ME3: variants seen among roughly 807,000 people sequenced by gnomAD.
ME3 encodes the protein malic enzyme 3.
ME3 carries 48 observed loss-of-function variants against 68.9 expected under a neutral mutation model. The observed-to-expected ratio is 0.70, with a 90% CI of 0.55 to 0.89. The LOEUF (loss-of-function observed/expected upper bound fraction) is 0.89, where lower values mean the gene tolerates loss of function less well. ME3 is among the 40% of genes least tolerant of loss of function. The pLI is 0.00. For synonymous variants in ME3, 320 were observed against 318.8 expected (o/e 1.00, Z -0.04); for missense variants, 675 against 797.4 (o/e 0.85, Z 1.85).
At chr11:86,550,806 C>T (rs1322933574) in intron 4 of ME3, among the ~76,000 whole-genome samples, 1 of 152,026 alleles carries the variant, frequency 6.6e-6, no homozygotes, top group Non-Finnish European at 1.5e-5. Flanking sequence ...CCCTGGGTGT[C>T]AGGGATCTCT....
At chr11:86,659,120 G>A (rs1946111629) in intron 2 of ME3, among the ~76,000 whole-genome samples, 1 of 152,194 alleles carries the variant, frequency 6.6e-6, no homozygotes, top group Non-Finnish European at 1.5e-5. Context: ...AAATTCAAAA[G>A]GAGGGTGGCA....
intron 2 of ME3, among the ~76,000 whole-genome samples, chr11:86,590,888 G>A (rs769091438): frequency 9.2e-5 from 14 of 152,228 alleles, no homozygotes; most frequent in Non-Finnish European, 1.8e-4. Flanking sequence ...TAATAAGGCT[G>A]CTGCCATAGT....
chr11:86,656,732 AAAACTT>A (rs1945905653), intron 2 of ME3, among the ~76,000 whole-genome samples: 1 of 152,140 alleles, frequency 6.6e-6, no homozygotes, highest in African/African-American at 2.4e-5. Flanking sequence ...CATGTACCCT[AAAACTT>A]AAAGTATAAT....
At chr11:86,544,417 TAAA>T (rs1190778035) in intron 4 of ME3, among the ~76,000 whole-genome samples, 3 of 151,734 alleles carry the variant, frequency 2.0e-5, no homozygotes, top group Admixed American at 6.6e-5. Flanking sequence ...GCCAGACTAA[TAAA>T]GAAGAAAAGA....
intron 5 of ME3, among the ~76,000 whole-genome samples, chr11:86,500,375 T>C (rs528697674): frequency 4.8e-4 from 73 of 152,254 alleles, no homozygotes; most frequent in Non-Finnish European, 8.8e-4. Flanking sequence ...GGCACTCTAC[T>C]GCATGCCCAG....
At chr11:86,573,051 T>C (rs918647552) in intron 2 of ME3, among the ~76,000 whole-genome samples, 2 of 143,690 alleles carry the variant, frequency 1.4e-5, no homozygotes, top group Non-Finnish European at 3.1e-5. Flanking sequence ...CTTTTTCTCA[T>C]ATGTTTGTTG....
At chr11:86,547,118 G>T (rs1484662232) in intron 4 of ME3, among the ~76,000 whole-genome samples, 13 of 151,660 alleles carry the variant, frequency 8.6e-5, no homozygotes, top group Non-Finnish European at 1.9e-4. Context: ...GGTGCCTGTA[G>T]TCCCAGCTAC....
At chr11:86,486,265 G>A (rs1156990304) in intron 7 of ME3, among the ~76,000 whole-genome samples, 1 of 152,182 alleles carries the variant, frequency 6.6e-6, no homozygotes, top group Non-Finnish European at 1.5e-5. Flanking sequence ...TCTTTTGACA[G>A]GATCATTTCC....
chr11:86,648,002 T>A (rs972817557), intron 2 of ME3, among the ~76,000 whole-genome samples: 7 of 152,312 alleles, frequency 4.6e-5, no homozygotes, highest in Admixed American at 4.6e-4. Context: ...GACCACATAA[T>A]TGGAAGTAAA....
At position 86,487,329 on chromosome 11, in the gene ME3, C is replaced by A. The variant is rs1223110809; in HGVS notation, c.809+8G>T. ...CCTCTTTCAAAAGGGACAGACTGGT[C>A]CACTTACTTGTCTGTCACAGCCTGC... On this transcript the variant is annotated splice_region_variant and intron_variant, in intron 7 of 14. Coordinates refer to ENST00000543262, the Ensembl canonical transcript of ME3. 6.2e-7 allele frequency: 1 copy of A among 1,608,528 alleles called. No homozygotes were observed. The highest frequency in any genetic ancestry group is 1.7e-5 in the Admixed American group (1 of 60,010).
At chr11:86,529,773 T>C (rs899206751) in intron 4 of ME3, among the ~76,000 whole-genome samples, 22 of 152,274 alleles carry the variant, frequency 1.4e-4, no homozygotes, top group Middle Eastern at 3.4e-3. Flanking sequence ...ATTATCTCAA[T>C]AGATGCAGAA....
chr11:86,487,897 G>A (rs1951790022), intron 6 of ME3, among the ~76,000 whole-genome samples: 1 of 152,216 alleles, frequency 6.6e-6, no homozygotes. Flanking sequence ...TGACTTCAAG[G>A]CCTGATGCGG....
At chr11:86,442,788 C>T in intron 14 of ME3, 33 bp downstream of exon 14, 1 of 1,544,664 alleles carries the variant, frequency 6.5e-7, no homozygotes, top group Non-Finnish European at 8.9e-7. Flanking sequence ...TTGAGCCTCA[C>T]TACCCATATT....
intron 4 of ME3, among the ~76,000 whole-genome samples, chr11:86,519,464 C>T (rs890224606): frequency 6.6e-6 from 1 of 152,128 alleles, no homozygotes; most frequent in Non-Finnish European, 1.5e-5. Context: ...AAAAAAGAAC[C>T]CTGAACAACA....
At chr11:86,656,857 G>GAAA (rs61638542) in intron 2 of ME3, among the ~76,000 whole-genome samples, 1 of 147,726 alleles carries the variant, frequency 6.8e-6, no homozygotes. Flanking sequence ...ATAAACATAT[G>GAAA]AAAAAAAAAA....
intron 6 of ME3, among the ~76,000 whole-genome samples, chr11:86,487,750 A>T (rs1594147484): frequency 1.3e-5 from 2 of 152,164 alleles, no homozygotes; most frequent in African/African-American, 4.8e-5. Context: ...GGATTTCTCA[A>T]CAGTGGCATT....
At chr11:86,471,139 A>AG (rs1950759264) in intron 7 of ME3, among the ~76,000 whole-genome samples, 1 of 113,680 alleles carries the variant, frequency 8.8e-6, no homozygotes, top group Non-Finnish European at 1.7e-5. Context: ...TAAGGCCCAG[A>AG]GCTTTTTTTT....
intron 8 of ME3, among the ~76,000 whole-genome samples, chr11:86,452,166 A>AT (rs1949668827): frequency 2.6e-5 from 4 of 152,096 alleles, no homozygotes; most frequent in South Asian, 4.2e-4. Context: ...TGTCTCTTTA[A>AT]TTTTGTGCTC....
intron 2 of ME3, among the ~76,000 whole-genome samples, chr11:86,580,692 TTAA>T (rs1958395492): frequency 6.6e-6 from 1 of 152,202 alleles, no homozygotes; most frequent in South Asian, 2.1e-4. Context: ...GATTATACAG[TTAA>T]TAAGTAGCAG....
Sources: allele counts gnomAD v4.1 joint callset (sites outside exome capture counted in the v4.1 genomes callset), GRCh38; gene constraint gnomAD v4.1.1; transcripts MANE v1.5; gene names NCBI Gene and HGNC (gene_info 2026-07-23, HGNC 2026-07-21).